The following NATD1 variants were observed in gnomAD, a reference collection of about 807,000 sequenced individuals.
NATD1 encodes the protein N-acetyltransferase domain containing 1.
Under a neutral mutation model 12.0 loss-of-function variants are expected in NATD1, and 9 were observed. That is an observed-to-expected ratio of 0.75 (90% CI 0.45 to 1.30). The LOEUF (loss-of-function observed/expected upper bound fraction) is 1.30, where lower values mean the gene tolerates loss of function less well. Among genes scored for constraint, NATD1 ranks in the 50% most tolerant of loss-of-function variants. The pLI is 0.00. For missense variants in NATD1, 148 were observed against 148.5 expected (o/e 1.00, Z 0.02); for synonymous variants, 71 against 65.9 (o/e 1.08, Z -0.37).
rs558415031 is a variant in NATD1 at position 21,243,738 on chromosome 17, C to G, written c.226-309G>C. 1.2e-4 allele frequency among the ~76,000 whole-genome samples: 18 copies of G among 152,302 alleles called. No homozygotes were observed. The South Asian group carries it at 1.9e-3, about 16-fold the overall frequency. On this transcript the variant is annotated intron_variant, in intron 2 of 2. Coordinates refer to ENST00000611551, the MANE Select transcript of NATD1 (RefSeq NM_152914.3). Reference sequence around the variant, plus strand: ...AAGCCGGCAGACGGCCCAGCTAAGTCCCAGCAGCAGCCCTCAGGGGAGTGA... The same window carrying G: ...AAGCCGGCAGACGGCCCAGCTAAGTGCCAGCAGCAGCCCTCAGGGGAGTGA...
intron 1 of NATD1, among the ~76,000 whole-genome samples, chr17:21,248,514 CTCAT>C (rs1291749802): frequency 3.3e-5 from 5 of 152,196 alleles, no homozygotes; most frequent in Non-Finnish European, 1.5e-5. Context: ...ACCCTTCCTT[CTCAT>C]TTCAGGTGAG....
At chr17:21,248,122 C>T (rs1197457156) in intron 1 of NATD1, among the ~76,000 whole-genome samples, 1 of 152,176 alleles carries the variant, frequency 6.6e-6, no homozygotes, top group African/African-American at 2.4e-5. Context: ...GACCACATGG[C>T]ACTGGGCCAG....
At position 21,251,379 on chromosome 17, in the gene NATD1, G is replaced by A. The variant is rs375224994; in HGVS notation, c.106+1780C>T. 4.0e-5 allele frequency among the ~76,000 whole-genome samples: 6 copies of A among 151,860 alleles called. No individual in the cohort carries two copies. In the East Asian group the frequency reaches 9.6e-4, roughly 24 times the overall value. Reference sequence around the variant, plus strand: ...CTCCCGAGCCCACAAGGGAACCAGAGGCCGCTCTGGAACCTCAGAAGAGAG... The same window carrying A: ...CTCCCGAGCCCACAAGGGAACCAGAAGCCGCTCTGGAACCTCAGAAGAGAG... On this transcript the variant is annotated intron_variant, in intron 1 of 2. Coordinates refer to ENST00000611551, the MANE Select transcript of NATD1 (RefSeq NM_152914.3).
At chr17:21,245,850 T>G (rs1975320516) in intron 1 of NATD1, among the ~76,000 whole-genome samples, 1 of 151,316 alleles carries the variant, frequency 6.6e-6, no homozygotes, top group African/African-American at 2.4e-5. Context: ...CCCTGCTGCC[T>G]CCTCCTTGTG....
intron 1 of NATD1, among the ~76,000 whole-genome samples, chr17:21,245,576 T>C (rs1975318320): frequency 1.3e-5 from 2 of 152,072 alleles, no homozygotes; most frequent in East Asian, 3.9e-4. Flanking sequence ...GTGGCTACAA[T>C]TCATCTCCCC....
chr17:21,253,239 G>C lies in NATD1; in HGVS notation c.26C>G (p.Pro9Arg). 2 of 999,598 alleles carry C rather than the reference G, an allele frequency of 2.0e-6. No homozygotes were observed. The highest frequency in any genetic ancestry group is 1.2e-6 in the Non-Finnish European group (1 of 840,738). The allele number at this position is 999,598 out of a possible 1,614,324, so 61.9% of individuals were successfully genotyped here. Residue 9 changes from proline to arginine, a missense_variant, in exon 1 of 3, where the codon CCG becomes CGG. Pro to Arg is a moderately radical substitution (Grantham distance 103). Coordinates refer to ENST00000611551, the MANE Select transcript of NATD1 (RefSeq NM_152914.3). MAHSAAAV[P>R]LGALEQGCPI... ...GCAGCCCTGCTCCAGCGCGCCCAGCGGCACGGCGGCAGCCGAGTGCGCCAT... is the reference window on the plus strand; with the variant it reads ...GCAGCCCTGCTCCAGCGCGCCCAGCCGCACGGCGGCAGCCGAGTGCGCCAT...
intron 1 of NATD1, among the ~76,000 whole-genome samples, chr17:21,249,278 G>C (rs1238524067): frequency 6.6e-6 from 1 of 152,216 alleles, no homozygotes; most frequent in Non-Finnish European, 1.5e-5. Flanking sequence ...CGCCAGAGCT[G>C]TGGCACGGGA....
rs1234840785 is a variant in NATD1 at position 21,244,595 on chromosome 17, C to A, written c.107-371G>T. Among the ~76,000 whole-genome samples, 2 of 152,172 alleles carry A rather than the reference C, an allele frequency of 1.3e-5. No individual in the cohort carries two copies. Among genetic ancestry groups the A allele is most frequent in the Non-Finnish European group, 2.9e-5 (2 of 68,026 alleles). On this transcript the variant is annotated intron_variant, in intron 1 of 2. Coordinates refer to ENST00000611551, the MANE Select transcript of NATD1 (RefSeq NM_152914.3). This position sits in a 1 kb window ranked among gnomAD's most constrained non-coding sequence, Gnocchi z 5.2. ...TCCCTGGATCTGGGAGTCCCAGAAC[C>A]CAGCACTGGACACAGAACAGGGCTC... is the stretch of plus-strand genomic sequence containing the variant.
rs1975250016 is a variant in NATD1, at chr17:21,239,821, A to C, written c.*3492T>G. The stretch of plus-strand genomic sequence containing the variant: ...AAGATTGCAACAGGCCTGGCAATTT[A>C]TCTTTCATTCTGAGTAGCCATGTAA... On this transcript the variant is annotated 3_prime_UTR_variant, in exon 3 of 3. Transcript: ENST00000611551. The C allele has an allele frequency of 6.6e-6, 1 of 152,248 alleles. No homozygotes were observed. The highest frequency in any genetic ancestry group is 1.5e-5 in the Non-Finnish European group (1 of 68,070). The allele number at this position is 152,248 out of a possible 1,614,324, so 9.4% of individuals were successfully genotyped here. A position where few individuals can be genotyped will look rare whatever the true frequency, so the allele number is the denominator to read the frequency against.
chr17:21,250,875 T>A (rs905204399), intron 1 of NATD1, among the ~76,000 whole-genome samples: 1 of 152,116 alleles, frequency 6.6e-6, no homozygotes, highest in African/African-American at 2.4e-5. Context: ...ACCTGACCCC[T>A]CAGCCTCAGT....
Position 21,244,043 on chromosome 17 carries a change from G to T in NATD1, c.225+63C>A. The T allele has an allele frequency of 6.9e-7, 1 of 1,454,082 alleles. No individual in the cohort carries two copies. The allele number at this position is 1,454,082 out of a possible 1,614,324, so 90.1% of individuals were successfully genotyped here. On this transcript the variant is annotated intron_variant, in intron 2 of 2. Coordinates refer to ENST00000611551, the MANE Select transcript of NATD1 (RefSeq NM_152914.3). This position sits in a 1 kb window ranked among gnomAD's most constrained non-coding sequence, Gnocchi z 5.2. ...TGGCCACCAGGGCCACCGTCTCCTC[G>T]GAGCGAAGGTGGCAGCCCCCATGTC...
At chr17:21,248,137 G>A (rs1975342955) in intron 1 of NATD1, among the ~76,000 whole-genome samples, 1 of 152,160 alleles carries the variant, frequency 6.6e-6, no homozygotes, top group Non-Finnish European at 1.5e-5. Context: ...GGCCAGCGAG[G>A]AGCCAGGCTC....
Position 21,244,218 on chromosome 17 carries a change from T to G in NATD1, c.113A>C (p.His38Pro). The change falls in exon 2 of 3, where the codon CAT becomes CCT. Residue 38 changes from histidine to proline, a missense_variant. Transcript: ENST00000611551. The surrounding 1 kb of genome is among the most constrained non-coding windows in gnomAD (Gnocchi z 5.2). ...RQFTVRLNGCHDRAVLLYEYV... is the reference protein window; with the variant it reads ...RQFTVRLNGCPDRAVLLYEYV... ...CTCATAGAGCAGGACGGCCCGGTCA[T>G]GACATCCTGGGGGTTGTGGAGACAG... 1.2e-6 allele frequency: 2 copies of G among 1,611,326 alleles called. No individual in the cohort carries two copies. The highest frequency in any genetic ancestry group is 1.7e-6 in the Non-Finnish European group (2 of 1,178,834).
rs1365709390 is a variant in NATD1, at chr17:21,243,382, G to A, written c.273C>T (p.Thr91=). 1.9e-6 allele frequency: 3 copies of A among 1,613,572 alleles called. No homozygotes were observed. The highest frequency in any genetic ancestry group is 3.3e-5 in the Admixed American group (2 of 60,024). Residue 91 remains threonine (T), a synonymous_variant, in exon 3 of 3, where the codon ACC becomes ACT. Coordinates refer to ENST00000611551, the MANE Select transcript of NATD1 (RefSeq NM_152914.3). ...TGACGTACTTCTGGATGTACCAGCAGGTGAGATGGGCCTTCAGGTCCTCCT... is the reference window on the plus strand; with the variant it reads ...TGACGTACTTCTGGATGTACCAGCAAGTGAGATGGGCCTTCAGGTCCTCCT... ...VVEEDLKAHL[T]CWYIQKYVKE...
chr17:21,246,996 C>CA (rs1389115229), intron 1 of NATD1, among the ~76,000 whole-genome samples: 4 of 152,054 alleles, frequency 2.6e-5, no homozygotes, highest in South Asian at 2.1e-4. Flanking sequence ...TGCAAGCCAC[C>CA]AAAAAAACCT....
chr17:21,245,470 C>T (rs1394166378), intron 1 of NATD1, among the ~76,000 whole-genome samples: 1 of 152,180 alleles, frequency 6.6e-6, no homozygotes, highest in Admixed American at 6.5e-5. Flanking sequence ...AGAGGTCCAA[C>T]CACTAGTCCA....
intron 1 of NATD1, among the ~76,000 whole-genome samples, chr17:21,252,325 C>A (rs1255826638): frequency 6.6e-6 from 1 of 152,140 alleles, no homozygotes; most frequent in African/African-American, 2.4e-5. Flanking sequence ...ACAAAAACTT[C>A]TCTACACTAA....
In NATD1 at chr17:21,253,360, G is replaced by C; in HGVS notation, c.-96C>G. 1 of 386,544 alleles carries C rather than the reference G, an allele frequency of 2.6e-6. No individual in the cohort carries two copies. The highest frequency in any genetic ancestry group is 3.5e-6 in the Non-Finnish European group (1 of 283,630). The allele number at this position is 386,544 out of a possible 1,614,324, so 23.9% of individuals were successfully genotyped here. A position where few individuals can be genotyped will look rare whatever the true frequency, so the allele number is the denominator to read the frequency against. ...GGCTGGAGCGCGGGCGCAGGCGGCA[G>C]GCGGTGGGGTAGTTACGGCCTGGGA... On this transcript the variant is annotated 5_prime_UTR_variant, in exon 1 of 3. Coordinates refer to ENST00000611551, the MANE Select transcript of NATD1 (RefSeq NM_152914.3).
intron 2 of NATD1, among the ~76,000 whole-genome samples, chr17:21,243,753 C>A (rs956206466): frequency 1.3e-5 from 2 of 152,180 alleles, no homozygotes; most frequent in African/African-American, 4.8e-5. Flanking sequence ...CAGCAGCCCT[C>A]AGGGGAGTGA....
Sources: allele counts gnomAD v4.1 joint callset (sites outside exome capture counted in the v4.1 genomes callset), GRCh38; gene constraint gnomAD v4.1.1; non-coding constraint Gnocchi (gnomAD v3.1); transcripts MANE v1.5; gene names NCBI Gene and HGNC (gene_info 2026-07-23, HGNC 2026-07-21).